SP4: variants seen among roughly 807,000 people sequenced by gnomAD.
SP4 encodes transcription factor Sp4.
Under a neutral mutation model 72.8 loss-of-function variants are expected in SP4, and 19 were observed. That is an observed-to-expected ratio of 0.26 (90% CI 0.18 to 0.38). The LOEUF is 0.38. SP4 is among the 10% of genes least tolerant of loss of function. The pLI is 1.00. For missense variants in SP4, 1,008 were observed against 926.3 expected, an observed-to-expected ratio of 1.09 and a Z score of -1.14; for synonymous variants, 395 against 333.1, an observed-to-expected ratio of 1.19 and a Z score of -2.02.
intron 3 of SP4, among the ~76,000 whole-genome samples, chr7:21,464,971 T>TC (rs1784123402): frequency 6.6e-6 from 1 of 152,258 alleles, no homozygotes; most frequent in South Asian, 2.1e-4. Flanking sequence ...CAAGTATGGT[T>TC]CAACGTAGAA....
At chr7:21,486,618 A>G (rs1177308325) in intron 5 of SP4, among the ~76,000 whole-genome samples, 1 of 152,198 alleles carries the variant, frequency 6.6e-6, no homozygotes, top group Non-Finnish European at 1.5e-5. Context: ...TGAGAAGAAT[A>G]GCACATTAGT....
At chr7:21,497,400 T>C (rs746148087) in intron 5 of SP4, among the ~76,000 whole-genome samples, 2 of 152,252 alleles carry the variant, frequency 1.3e-5, no homozygotes, top group Non-Finnish European at 2.9e-5. Flanking sequence ...CTTGCTGTTC[T>C]TACAGAAATT....
At chr7:21,492,407 T>C (rs151175009) in intron 5 of SP4, among the ~76,000 whole-genome samples, 2 of 152,264 alleles carry the variant, frequency 1.3e-5, no homozygotes, top group East Asian at 1.9e-4. Context: ...AATCTGAAAC[T>C]TTTTCAGCAC....
At chr7:21,458,694 G>A (rs1178690090) in intron 3 of SP4, among the ~76,000 whole-genome samples, 1 of 152,034 alleles carries the variant, frequency 6.6e-6, no homozygotes, top group Non-Finnish European at 1.5e-5. Flanking sequence ...CTTAATTGGA[G>A]GTGAAAAGCT....
At chr7:21,451,773 G>C (rs1288031618) in intron 3 of SP4, among the ~76,000 whole-genome samples, 2 of 151,920 alleles carry the variant, frequency 1.3e-5, no homozygotes, top group Non-Finnish European at 2.9e-5. Flanking sequence ...AGACAAATCA[G>C]ATTATTAGAT....
chr7:21,494,934 AAT>A (rs1426445092), intron 5 of SP4, among the ~76,000 whole-genome samples: 1 of 152,178 alleles, frequency 6.6e-6, no homozygotes, highest in Non-Finnish European at 1.5e-5. Context: ...AGTAAGACAG[AAT>A]ATAGAGTCCA....
intron 5 of SP4, among the ~76,000 whole-genome samples, chr7:21,495,543 C>G (rs1275621281): frequency 6.6e-6 from 1 of 152,030 alleles, no homozygotes; most frequent in Non-Finnish European, 1.5e-5. Flanking sequence ...TGCAATACTA[C>G]TGTACACCTA....
intron 3 of SP4, among the ~76,000 whole-genome samples, chr7:21,440,468 T>C (rs1783206213): frequency 6.6e-6 from 1 of 152,046 alleles, no homozygotes; most frequent in African/African-American, 2.4e-5. Flanking sequence ...AACGAGAAAT[T>C]TGTATAAGAG....
chr7:21,439,402 A>C (rs1562587282), intron 3 of SP4, among the ~76,000 whole-genome samples: 1 of 152,082 alleles, frequency 6.6e-6, no homozygotes, highest in Non-Finnish European at 1.5e-5. Context: ...GATATGTTGT[A>C]TAGTGGCGAA....
chr7:21,430,784 A>C lies in SP4; in HGVS notation c.1619A>C (p.Asn540Thr). 6.2e-7 allele frequency: 1 copy of C among 1,614,156 alleles called. No homozygotes were observed. The highest frequency in any genetic ancestry group is 8.5e-7 in the Non-Finnish European group (1 of 1,180,018). The change falls in exon 3 of 6, where the codon AAC becomes ACC. Residue 540 changes from asparagine (N) to threonine (T), a missense_variant. Asn to Thr is a moderately conservative substitution (Grantham distance 65). Around this residue, in one of 3 missense-constraint regions of SP4, gnomAD observed 893 missense variants for 743.3 expected, o/e 1.20. Coordinates refer to ENST00000222584, the MANE Select transcript of SP4 (RefSeq NM_003112.5). ...VPNLQTVSVA[N>T]LGAAGVQVQG... ...AACCTTCAGACAGTGAGCGTTGCCA[A>C]CCTGGGTGCTGCAGGTGTTCAAGTG... is the stretch of plus-strand genomic sequence containing the variant.
At chr7:21,450,221 T>C (rs1449708437) in intron 3 of SP4, among the ~76,000 whole-genome samples, 1 of 152,154 alleles carries the variant, frequency 6.6e-6, no homozygotes, top group Non-Finnish European at 1.5e-5. Flanking sequence ...TCTGTTTTTA[T>C]GGTAAATTTG....
intron 3 of SP4, among the ~76,000 whole-genome samples, chr7:21,439,268 C>G (rs10046561): frequency 0.042 from 6,453 of 152,236 alleles, 448 homozygotes; most frequent in African/African-American, 0.15. Flanking sequence ...GAAGCACTCA[C>G]AGCTGTAAAT....
intron 3 of SP4, among the ~76,000 whole-genome samples, chr7:21,447,017 C>T (rs1423708084): frequency 6.6e-6 from 1 of 152,160 alleles, no homozygotes; most frequent in African/African-American, 2.4e-5. Context: ...AGCCACATGT[C>T]CAGCCTTCAG....
chr7:21,470,152 G>A (rs909638153), intron 3 of SP4, among the ~76,000 whole-genome samples: 3 of 152,170 alleles, frequency 2.0e-5, no homozygotes, highest in African/African-American at 4.8e-5. Context: ...TATACTGCTG[G>A]CCGAGTTTCG....
intron 5 of SP4, among the ~76,000 whole-genome samples, chr7:21,505,691 C>T (rs572999590): frequency 9.0e-6 from 1 of 110,700 alleles, no homozygotes; most frequent in African/African-American, 2.6e-5. Context: ...AGTGTTTAGT[C>T]ACCACAGGGT....
At chr7:21,463,919 A>G (rs1024464905) in intron 3 of SP4, among the ~76,000 whole-genome samples, 16 of 152,166 alleles carry the variant, frequency 1.1e-4, no homozygotes, top group South Asian at 2.1e-4. Context: ...AGCCACTTAA[A>G]TCTTGATCAA....
intron 3 of SP4, among the ~76,000 whole-genome samples, chr7:21,467,358 A>G: frequency 6.6e-6 from 1 of 152,276 alleles, no homozygotes; most frequent in Non-Finnish European, 1.5e-5. Flanking sequence ...AAACAACTTT[A>G]TTTATATATA....
chr7:21,480,726 A>C (rs1784661351), intron 4 of SP4, among the ~76,000 whole-genome samples: 1 of 152,154 alleles, frequency 6.6e-6, no homozygotes, highest in Non-Finnish European at 1.5e-5. Flanking sequence ...CTCTTTGCTC[A>C]CTTCTTTCTG....
chr7:21,493,199 GA>G lies in SP4; in HGVS notation c.2107+11089del, dbSNP rs111403862. Among the ~76,000 whole-genome samples, 45 of 146,506 alleles carry G rather than the reference GA, an allele frequency of 3.1e-4. No individual in the cohort carries two copies. In the South Asian group the frequency reaches 6.9e-3, roughly 22 times the overall value. Reference sequence around the variant, plus strand: ...TGGACGACAGAGTGAGATTCCATGTGAAAAAAAAAAAAATCATACGAAGTAT... The same window carrying G: ...TGGACGACAGAGTGAGATTCCATGTGAAAAAAAAAAAATCATACGAAGTAT... On this transcript the variant is annotated intron_variant, in intron 5 of 5. Coordinates refer to ENST00000222584, the MANE Select transcript of SP4 (RefSeq NM_003112.5).
Sources: allele counts gnomAD v4.1 joint callset (sites outside exome capture counted in the v4.1 genomes callset), GRCh38; gene constraint gnomAD v4.1.1; regional missense constraint gnomAD v4.1.1; transcripts MANE v1.5; gene names NCBI Gene and HGNC (gene_info 2026-07-23, HGNC 2026-07-21).